The following MYO1B variants were observed in gnomAD, a reference collection of about 807,000 sequenced individuals.
MYO1B encodes the protein myosin IB.
In MYO1B, 72 loss-of-function variants were observed where a neutral mutation model predicts 159.7. That is an observed-to-expected ratio of 0.45 (90% CI 0.37 to 0.55). MYO1B has a LOEUF of 0.55. Ranked by LOEUF, MYO1B falls within the 20% of genes least tolerant of loss-of-function variation. The pLI, the probability that MYO1B is intolerant of heterozygous loss-of-function variation, is 0.00. For synonymous variants in MYO1B, 468 were observed against 473.8 expected, an observed-to-expected ratio of 0.99 and a Z score of 0.16; for missense variants, 1,062 against 1,364.8, an observed-to-expected ratio of 0.78 and a Z score of 3.50.
At chr2:191,390,235 T>C in intron 17 of MYO1B, 57 bp from the exon 18 acceptor site, 2 of 1,481,882 alleles carry the variant, frequency 1.3e-6, no homozygotes, top group African/African-American at 1.4e-5. Context: ...TGTGAAAACA[T>C]AGACAATTAT....
At chr2:191,284,176 AGG>A (rs1402950286) in intron 2 of MYO1B, among the ~76,000 whole-genome samples, 1 of 152,216 alleles carries the variant, frequency 6.6e-6, no homozygotes, top group Non-Finnish European at 1.5e-5. Context: ...GAGGAGGAAG[AGG>A]AAGCAGTTCG....
chr2:191,410,496 G>T (rs1207085100), intron 26 of MYO1B, among the ~76,000 whole-genome samples: 1 of 152,200 alleles, frequency 6.6e-6, no homozygotes, highest in East Asian at 1.9e-4. Flanking sequence ...TTGTAAAATG[G>T]TAGTGGGGGG....
intron 1 of MYO1B, among the ~76,000 whole-genome samples, chr2:191,251,571 T>G (rs966359422): frequency 6.6e-6 from 1 of 152,234 alleles, no homozygotes; most frequent in Non-Finnish European, 1.5e-5. Flanking sequence ...CAATTCTTCC[T>G]GGACTCAAGA....
At chr2:191,408,598 C>G (rs1319478221) in intron 25 of MYO1B, among the ~76,000 whole-genome samples, 1 of 152,158 alleles carries the variant, frequency 6.6e-6, no homozygotes, top group African/African-American at 2.4e-5. Context: ...CTCTGGAGTT[C>G]TCCATCTTTC....
chr2:191,382,468 A>G (rs1346746866), intron 14 of MYO1B, among the ~76,000 whole-genome samples: 1 of 152,204 alleles, frequency 6.6e-6, no homozygotes, highest in Admixed American at 6.5e-5. Flanking sequence ...GGCACCTTTT[A>G]GTAACATAAA....
intron 17 of MYO1B, chr2:191,387,967 T>G (rs1364615088): frequency 6.1e-6 from 1 of 162,936 alleles, no homozygotes; most frequent in African/African-American, 2.4e-5. Flanking sequence ...CAATCTGAAT[T>G]TTTTTCAAGG....
rs903730992 is a variant in MYO1B at position 191,286,928 on chromosome 2, C to T, written c.136-9183C>T. 3.9e-5 allele frequency among the ~76,000 whole-genome samples: 6 copies of T among 152,070 alleles called. No homozygotes were observed. The East Asian group carries it at 1.2e-3, about 29-fold the overall frequency. The stretch of plus-strand genomic sequence containing the variant: ...CCTGGGTGACAGAGCTAGACCCTGT[C>T]TCAAAACACAAAACAAAACAAAACA... On this transcript the variant is annotated intron_variant, in intron 2 of 30. Transcript: ENST00000392318.
Position 191,277,046 on chromosome 2 carries a change from G to A in MYO1B, c.135+16G>A, listed in dbSNP as rs537535358. On this transcript the variant is annotated intron_variant, in intron 2 of 30. Coordinates refer to ENST00000392318, the MANE Select transcript of MYO1B (RefSeq NM_001130158.3). ...TGAAATATACGTAAGTACACACGAAGGTCATCTGTAATGTTTAGACTTTGT... is the reference window on the plus strand; with the variant it reads ...TGAAATATACGTAAGTACACACGAAAGTCATCTGTAATGTTTAGACTTTGT... 9 of 1,611,000 alleles carry A rather than the reference G, an allele frequency of 5.6e-6. No individual in the cohort carries two copies. In the Admixed American group the frequency reaches 1.4e-4, roughly 24 times the overall value.
chr2:191,296,146 A>G lies in MYO1B; in HGVS notation c.171A>G (p.Pro57=), dbSNP rs1267660031. The G allele has an allele frequency of 1.2e-6, 2 of 1,607,638 alleles. No homozygotes were observed. Among genetic ancestry groups the G allele is most frequent in the Non-Finnish European group, 8.5e-7 (1 of 1,175,944 alleles). The change falls in exon 3 of 31, where the codon CCA becomes CCG. Residue 57 remains proline, a synonymous_variant. Coordinates refer to ENST00000392318, the MANE Select transcript of MYO1B (RefSeq NM_001130158.3). ...GAAGTGTGGTTATATCTGTTAACCC[A>G]TACCGGTCTTTACCCATTTATTCAC... ...YIGSVVISVN[P]YRSLPIYSPE...
chr2:191,365,836 A>G (rs766548194), intron 11 of MYO1B, among the ~76,000 whole-genome samples: 1 of 152,238 alleles, frequency 6.6e-6, no homozygotes, highest in Non-Finnish European at 1.5e-5. Context: ...AAGAGGATTC[A>G]GAGCAATATG....
intron 1 of MYO1B, among the ~76,000 whole-genome samples, chr2:191,246,900 A>C (rs1192728972): frequency 2.0e-5 from 3 of 152,180 alleles, no homozygotes; most frequent in African/African-American, 7.2e-5. Flanking sequence ...CTGGCATTGA[A>C]GTGTTCTGTG....
intron 3 of MYO1B, among the ~76,000 whole-genome samples, chr2:191,305,811 G>A (rs1689617732): frequency 6.6e-6 from 1 of 152,170 alleles, no homozygotes; most frequent in Non-Finnish European, 1.5e-5. Context: ...GGGAAATGGG[G>A]TACAGCCCTG....
chr2:191,247,219 T>C (rs535349023), intron 1 of MYO1B, among the ~76,000 whole-genome samples: 31 of 152,218 alleles, frequency 2.0e-4, no homozygotes, highest in Non-Finnish European at 3.4e-4. Context: ...GACATTCTGT[T>C]GTAGTAGTCT....
intron 1 of MYO1B, among the ~76,000 whole-genome samples, chr2:191,253,382 C>T (rs187479282): frequency 2.8e-4 from 42 of 152,206 alleles, no homozygotes; most frequent in African/African-American, 8.4e-4. Context: ...CCATGTGAGC[C>T]GTACTTGGTT....
chr2:191,407,981 T>C, intron 24 of MYO1B, 134 bp from the exon 25 acceptor site: 1 of 514,164 alleles, frequency 1.9e-6, no homozygotes. Context: ...TGTGTTTCAA[T>C]TATTTTACTA....
At chr2:191,257,434 G>T (rs1209535202) in intron 1 of MYO1B, among the ~76,000 whole-genome samples, 1 of 152,076 alleles carries the variant, frequency 6.6e-6, no homozygotes, top group African/African-American at 2.4e-5. Flanking sequence ...CAGAATTTTT[G>T]AACTTTTCCA....
At chr2:191,274,898 C>A (rs555659091) in intron 1 of MYO1B, among the ~76,000 whole-genome samples, 1 of 151,954 alleles carries the variant, frequency 6.6e-6, no homozygotes, top group South Asian at 2.1e-4. Context: ...GTATCTGGGA[C>A]TTTTCTTTCT....
chr2:191,379,926 T>G (rs1158204632), intron 13 of MYO1B, among the ~76,000 whole-genome samples: 1 of 152,138 alleles, frequency 6.6e-6, no homozygotes, highest in Non-Finnish European at 1.5e-5. Flanking sequence ...TTTAAAAAAT[T>G]TGTGTGAAAA....
intron 3 of MYO1B, among the ~76,000 whole-genome samples, chr2:191,317,511 G>A (rs897222650): frequency 6.6e-6 from 1 of 152,124 alleles, no homozygotes; most frequent in African/African-American, 2.4e-5. Context: ...AAGTTGTAGG[G>A]TACATGTGCA....
Sources: gnomAD v4.1 joint callset for allele counts (sites outside exome capture counted in the v4.1 genomes callset) on GRCh38, gnomAD v4.1.1 for gene constraint, MANE v1.5 for transcripts, NCBI Gene and HGNC (gene_info 2026-07-23, HGNC 2026-07-21) for gene names.